CUX1: variants seen among roughly 807,000 people sequenced by gnomAD.
CUX1 encodes the protein protein CASP.
In CUX1, 31 loss-of-function variants were observed where a neutral mutation model predicts 158.8. The observed-to-expected ratio is 0.20, with a 90% CI of 0.15 to 0.26. The LOEUF is 0.26. Among genes scored for constraint, CUX1 ranks in the 10% least tolerant of loss-of-function variants. The pLI, the probability that CUX1 is intolerant of heterozygous loss-of-function variation, is 1.00. For synonymous variants in CUX1, 879 were observed against 862.1 expected, an observed-to-expected ratio of 1.02 and a Z score of -0.34; for missense variants, 1,589 against 2,014.6, an observed-to-expected ratio of 0.79 and a Z score of 4.04.
At chr7:101,877,537 A>C (rs1215179669) in intron 1 of CUX1, among the ~76,000 whole-genome samples, 2 of 152,166 alleles carry the variant, frequency 1.3e-5, no homozygotes, top group Non-Finnish European at 2.9e-5. Context: ...AAATACAAAA[A>C]TTAGCTGGGC....
chr7:102,201,242 C>T lies in CUX1; in HGVS notation c.2063-118C>T. ...TGACAGGGGCCATGCTGGGGAAATA[C>T]ACAGTGTGGTTCTCCCAAATAACCC... On this transcript the variant is annotated intron_variant, in intron 17 of 23. Coordinates refer to ENST00000292535, the MANE Select transcript of CUX1 (RefSeq NM_181552.4). This position sits in a 1 kb window ranked among gnomAD's most constrained non-coding sequence, Gnocchi z 5.0. The T allele has an allele frequency of 7.0e-7, 1 of 1,426,014 alleles. No homozygotes were observed. Among genetic ancestry groups the T allele is most frequent in the South Asian group, 1.3e-5 (1 of 75,672 alleles). The allele number at this position is 1,426,014 out of a possible 1,614,324, so 88.3% of individuals were successfully genotyped here.
intron 2 of CUX1, among the ~76,000 whole-genome samples, chr7:101,956,138 CAAAAAAAAAAAA>C (rs11462111): frequency 1.7e-3 from 108 of 64,982 alleles, no homozygotes; most frequent in African/African-American, 7.1e-3. Flanking sequence ...GCCCACGTCT[CAAAAAAAAAAAA>C]AAAAAAAAAA....
chr7:102,237,545 G>A (rs1300131239), intron 22 of CUX1, among the ~76,000 whole-genome samples: 1 of 152,140 alleles, frequency 6.6e-6, no homozygotes, highest in African/African-American at 2.4e-5. Context: ...GCTTCCCAAA[G>A]TGCAGAGATT....
intron 1 of CUX1, among the ~76,000 whole-genome samples, chr7:101,891,068 T>G (rs1018019263): frequency 1.2e-4 from 18 of 152,028 alleles, no homozygotes; most frequent in Admixed American, 1.2e-3. Context: ...TCTTTTAGAG[T>G]TATTATGGAC....
intron 6 of CUX1, among the ~76,000 whole-genome samples, chr7:102,106,734 C>T (rs1720530991): frequency 6.6e-6 from 1 of 152,192 alleles, no homozygotes; most frequent in Admixed American, 6.5e-5. Flanking sequence ...ATGGGGCAGT[C>T]CTACCTCACG....
intron 1 of CUX1, among the ~76,000 whole-genome samples, chr7:101,860,735 CCCTTCCTTCCTTCCTTCCTTCCTT>C (rs1300604785): frequency 2.2e-5 from 2 of 90,442 alleles, no homozygotes; most frequent in Non-Finnish European, 4.5e-5. Context: ...TCCCCTTCCT[CCCTTCCTTCCTTCCTTCCTTCCTT>C]CCTTCCTTCC....
At chr7:102,228,004 G>A (rs550112282) in intron 21 of CUX1, among the ~76,000 whole-genome samples, 130 of 140,996 alleles carry the variant, frequency 9.2e-4, no homozygotes, top group Admixed American at 2.6e-3. Context: ...AGGCTGGAGT[G>A]CAGTGGCACA....
At chr7:101,976,387 T>C (rs1172994624) in intron 2 of CUX1, among the ~76,000 whole-genome samples, 1 of 152,214 alleles carries the variant, frequency 6.6e-6, no homozygotes, top group African/African-American at 2.4e-5. Context: ...CCTTTAAATA[T>C]TCTGAATAAA....
At chr7:102,234,351 AC>A in intron 22 of CUX1, 111 bp downstream of exon 22, 1 of 1,056,348 alleles carries the variant, frequency 9.5e-7, no homozygotes, top group Non-Finnish European at 1.2e-6. Flanking sequence ...TGACCAAGGG[AC>A]CAGAGGACAG....
intron 2 of CUX1, among the ~76,000 whole-genome samples, chr7:101,947,565 C>T (rs1220964340): frequency 2.0e-5 from 3 of 152,272 alleles, no homozygotes; most frequent in Admixed American, 1.3e-4. Flanking sequence ...ACAACTTAGA[C>T]ATGGGGATGA....
intron 3 of CUX1, among the ~76,000 whole-genome samples, chr7:102,069,237 G>T (rs1238775057): frequency 2.6e-5 from 4 of 152,024 alleles, no homozygotes; most frequent in Admixed American, 2.6e-4. Context: ...AGGTGATGAG[G>T]GTCTCCCTGC....
intron 1 of CUX1, among the ~76,000 whole-genome samples, chr7:101,841,463 T>C (rs1365685304): frequency 6.6e-6 from 1 of 151,658 alleles, no homozygotes; most frequent in East Asian, 1.9e-4. Context: ...CTTTTTTTTA[T>C]GTGGCTTATT....
At chr7:101,940,306 C>T (rs1461267690) in intron 2 of CUX1, among the ~76,000 whole-genome samples, 1 of 151,646 alleles carries the variant, frequency 6.6e-6, no homozygotes, top group Non-Finnish European at 1.5e-5. Context: ...TCTGGTGTCA[C>T]CAGTGGAAAA....
At chr7:102,218,835 T>G (rs1797501183) in intron 20 of CUX1, among the ~76,000 whole-genome samples, 1 of 151,792 alleles carries the variant, frequency 6.6e-6, no homozygotes, top group Admixed American at 6.6e-5. Flanking sequence ...GGAAGATCAC[T>G]AGAGTCCAGG....
intron 2 of CUX1, among the ~76,000 whole-genome samples, chr7:102,019,915 G>T (rs1819147890): frequency 6.6e-6 from 1 of 152,192 alleles, no homozygotes; most frequent in African/African-American, 2.4e-5. Flanking sequence ...GTTATATATT[G>T]TGGTAATTAC....
At chr7:102,130,172 A>G (rs6979573) in intron 8 of CUX1, among the ~76,000 whole-genome samples, 2,960 of 152,140 alleles carry the variant, frequency 0.019, 108 homozygotes, top group African/African-American at 0.068. Flanking sequence ...GCCAGTGCTG[A>G]GTTCTAAGGC....
At chr7:102,235,296 G>A (rs185171168) in intron 22 of CUX1, among the ~76,000 whole-genome samples, 7 of 152,306 alleles carry the variant, frequency 4.6e-5, no homozygotes, top group Admixed American at 2.0e-4. Flanking sequence ...CTCACTGGGC[G>A]GCTGAACTGC....
chr7:102,178,361 T>A, intron 10 of CUX1, 108 bp from the exon 11 acceptor site: 1 of 1,090,046 alleles, frequency 9.2e-7, no homozygotes, highest in African/African-American at 1.6e-5. Flanking sequence ...GCCATCACCA[T>A]CCACACACTG....
At chr7:101,887,966 A>G (rs1405631678) in intron 1 of CUX1, among the ~76,000 whole-genome samples, 1 of 152,166 alleles carries the variant, frequency 6.6e-6, no homozygotes, top group East Asian at 1.9e-4. Context: ...TTCAATGTCA[A>G]GGAACCCTGT....
Sources: gnomAD v4.1 joint callset for allele counts (sites outside exome capture counted in the v4.1 genomes callset) on GRCh38, gnomAD v4.1.1 for gene constraint, Gnocchi (gnomAD v3.1) non-coding constraint, MANE v1.5 for transcripts, NCBI Gene and HGNC (gene_info 2026-07-23, HGNC 2026-07-21) for gene names.